The following GTF2I variants were observed in gnomAD, a reference collection of about 807,000 sequenced individuals.
GTF2I encodes general transcription factor II-I.
A neutral mutation model predicts 67.6 loss-of-function variants in GTF2I; 12 were observed. The observed-to-expected ratio is 0.18, with a 90% confidence interval of 0.11 to 0.29. The LOEUF is 0.29. Ranked by LOEUF, GTF2I falls within the 10% of genes least tolerant of loss-of-function variation. The pLI, the probability that GTF2I is intolerant of heterozygous loss-of-function variation, is 1.00. For missense variants in GTF2I, 271 were observed against 580.1 expected (o/e 0.47, Z 5.47); for synonymous variants, 149 against 197.0 (o/e 0.76, Z 2.04).
At chr7:74,674,292 T>A (rs146606911) in intron 1 of GTF2I, among the ~76,000 whole-genome samples, 1 of 152,178 alleles carries the variant, frequency 6.6e-6, no homozygotes, top group Non-Finnish European at 1.5e-5. Context: ...TGTCGAACTC[T>A]TGGTCTTAAG....
chr7:74,680,520 C>T (rs1309781144), intron 1 of GTF2I, among the ~76,000 whole-genome samples: 1 of 151,900 alleles, frequency 6.6e-6, no homozygotes, highest in Non-Finnish European at 1.5e-5. Flanking sequence ...GCGGGAGGAT[C>T]ATTTGATCTC....
intron 1 of GTF2I, among the ~76,000 whole-genome samples, chr7:74,665,644 A>G (rs1804910907): frequency 6.6e-6 from 1 of 152,224 alleles, no homozygotes; most frequent in Admixed American, 6.5e-5. Flanking sequence ...GCTGTCTGGC[A>G]TGTAGTAGAC....
intron 6 of GTF2I, among the ~76,000 whole-genome samples, chr7:74,701,911 A>G (rs1247999350): frequency 3.3e-5 from 5 of 152,228 alleles, no homozygotes; most frequent in South Asian, 2.1e-4. Context: ...TGTTGTAGAA[A>G]TGGAATATGT....
chr7:74,717,935 T>C (rs1165928315), intron 11 of GTF2I, among the ~76,000 whole-genome samples: 1 of 152,140 alleles, frequency 6.6e-6, no homozygotes, highest in Non-Finnish European at 1.5e-5. Context: ...TTATAGAAGA[T>C]TGTGTGGGTG....
chr7:74,726,893 C>T (rs1257252758), intron 12 of GTF2I: 1 of 133,174 alleles, frequency 7.5e-6, no homozygotes, highest in African/African-American at 2.8e-5. Context: ...AGAATGAGAC[C>T]CTGCCAATAG....
At chr7:74,692,406 A>C (rs889175465) in intron 3 of GTF2I, among the ~76,000 whole-genome samples, 2 of 152,118 alleles carry the variant, frequency 1.3e-5, no homozygotes, top group Non-Finnish European at 2.9e-5. Flanking sequence ...GGTGTGTTGA[A>C]AACCAGTGAT....
At position 74,709,861 on chromosome 7, in the gene GTF2I, C is replaced by T. The variant is rs587740191; in HGVS notation, c.686-1171C>T. Among the ~76,000 whole-genome samples, 63 of 151,764 alleles carry T rather than the reference C, an allele frequency of 4.2e-4. 1 individual carries two copies. The highest frequency in any genetic ancestry group is 2.0e-3 in the Admixed American group (31 of 15,212). On this transcript the variant is annotated intron_variant, in intron 8 of 34. Transcript: ENST00000573035. ...CTAATTTTTGTATTTTTAGTAGAGA[C>T]GAGGTTTCACCATGTTGGCCAGGCT... is the stretch of plus-strand genomic sequence containing the variant.
At position 74,662,359 on chromosome 7, in the gene GTF2I, C is replaced by CGT. The variant is rs1343912812; in HGVS notation, c.-6+4292_-6+4293insTG. ...CGGAGTAGCTGGGATCATAGGCATG[C>CGT]GCCACCATGCCTGGCTAACTTTGTA... On this transcript the variant is annotated intron_variant, in intron 1 of 34. Coordinates refer to ENST00000573035, the MANE Select transcript of GTF2I (RefSeq NM_032999.4). 4.0e-5 allele frequency among the ~76,000 whole-genome samples: 6 copies of CGT among 151,052 alleles called. No homozygotes were observed. In the East Asian group the frequency reaches 1.2e-3, roughly 29 times the overall value.
chr7:74,725,893 T>C (rs1554405582), intron 12 of GTF2I, among the ~76,000 whole-genome samples: 1 of 151,994 alleles, frequency 6.6e-6, no homozygotes, highest in African/African-American at 2.4e-5. Context: ...TCATAAAATA[T>C]ATTTATGCTA....
intron 2 of GTF2I, among the ~76,000 whole-genome samples, chr7:74,689,882 AT>A (rs1306313344): frequency 1.3e-5 from 2 of 151,718 alleles, no homozygotes; most frequent in African/African-American, 4.8e-5. Flanking sequence ...CGCTCGGGTA[AT>A]TTTTTGTATT....
intron 14 of GTF2I, 117 bp from the exon 15 acceptor site, chr7:74,732,362 A>G (rs1444116835): frequency 2.5e-6 from 3 of 1,215,740 alleles, no homozygotes; most frequent in Non-Finnish European, 3.2e-6. Flanking sequence ...AGACACAGCA[A>G]GACTCCATCT....
intron 1 of GTF2I, among the ~76,000 whole-genome samples, chr7:74,659,260 G>A (rs73137144): frequency 0.86 from 130,690 of 151,888 alleles, 56,486 homozygotes; most frequent in East Asian, 0.97. Flanking sequence ...GGGTCTCTCT[G>A]TGTTGCCCTG....
intron 1 of GTF2I, among the ~76,000 whole-genome samples, chr7:74,676,723 A>C (rs1805936179): frequency 1.3e-5 from 2 of 152,182 alleles, no homozygotes; most frequent in East Asian, 1.9e-4. Flanking sequence ...TTTGGCTTTT[A>C]GTACTTAATA....
intron 10 of GTF2I, 69 bp downstream of exon 10, chr7:74,714,985 T>C: frequency 1.1e-6 from 1 of 909,792 alleles, no homozygotes; most frequent in Non-Finnish European, 1.7e-6. Context: ...TTGCACAGAC[T>C]GTGTTTTAAT....
At chr7:74,675,589 A>T (rs1282679360) in intron 1 of GTF2I, among the ~76,000 whole-genome samples, 4 of 152,138 alleles carry the variant, frequency 2.6e-5, no homozygotes, top group Non-Finnish European at 4.4e-5. Context: ...CATAGACTTA[A>T]ATACCATTAT....
Position 74,682,548 on chromosome 7 carries a change from G to A in GTF2I, c.-5-6576G>A, listed in dbSNP as rs142655883. On this transcript the variant is annotated intron_variant, in intron 1 of 34. Coordinates refer to ENST00000573035, the MANE Select transcript of GTF2I (RefSeq NM_032999.4). ...TGGGTGGGCCAAGGAACCAAGTCTCGAACTTGGATTAGAGTGATTCTAGGC... is the reference window on the plus strand; with the variant it reads ...TGGGTGGGCCAAGGAACCAAGTCTCAAACTTGGATTAGAGTGATTCTAGGC... Among the ~76,000 whole-genome samples, 446 of 152,264 alleles carry A rather than the reference G, an allele frequency of 2.9e-3. 1 individual carries two copies. Among genetic ancestry groups the A allele is most frequent in the Admixed American group, 5.4e-3 (82 of 15,292 alleles).
chr7:74,726,571 C>A, intron 12 of GTF2I: 1 of 152,212 alleles, frequency 6.6e-6, no homozygotes, highest in Non-Finnish European at 1.5e-5. Context: ...TGTCCTGGTC[C>A]CGTGGCTCAT....
chr7:74,668,173 C>CTTTTTTTTTT (rs781864782), intron 1 of GTF2I, among the ~76,000 whole-genome samples: 1 of 92,962 alleles, frequency 1.1e-5, no homozygotes. Context: ...TGGTGCAGAA[C>CTTTTTTTTTT]TTTTTTTTTT....
chr7:74,680,128 ATG>A (rs1360264446), intron 1 of GTF2I, among the ~76,000 whole-genome samples: 12 of 136,698 alleles, frequency 8.8e-5, no homozygotes, highest in African/African-American at 3.2e-4. Context: ...GTATGTATGT[ATG>A]TATATACACA....
Sources: gnomAD v4.1 joint callset for allele counts (sites outside exome capture counted in the v4.1 genomes callset) on GRCh38, gnomAD v4.1.1 for gene constraint, MANE v1.5 for transcripts, NCBI Gene and HGNC (gene_info 2026-07-23, HGNC 2026-07-21) for gene names.